B4GALT1: variants seen among roughly 807,000 people sequenced by gnomAD.
B4GALT1 encodes the protein beta-1,4-galactosyltransferase 1.
In B4GALT1, 16 loss-of-function variants were observed where a neutral mutation model predicts 34.9. The observed-to-expected ratio is 0.46, with a 90% CI of 0.31 to 0.70. The LOEUF (loss-of-function observed/expected upper bound fraction) is 0.70, where lower values mean the gene tolerates loss of function less well. Among genes scored for constraint, B4GALT1 ranks in the 30% least tolerant of loss-of-function variants. B4GALT1 has a pLI of 0.05. For synonymous variants in B4GALT1, 221 were observed against 218.1 expected, an observed-to-expected ratio of 1.01 and a Z score of -0.12; for missense variants, 445 against 530.5, an observed-to-expected ratio of 0.84 and a Z score of 1.58.
intron 4 of B4GALT1, 96 bp downstream of exon 4, chr9:33,115,895 T>C (rs890918926): frequency 6.6e-7 from 1 of 1,507,488 alleles, no homozygotes; most frequent in Non-Finnish European, 9.1e-7. Flanking sequence ...GTGCATCCCA[T>C]CTGAGGGTCA....
chr9:33,135,840 C>T (rs1438165392), intron 1 of B4GALT1, among the ~76,000 whole-genome samples: 2 of 151,754 alleles, frequency 1.3e-5, no homozygotes, highest in Non-Finnish European at 2.9e-5. Context: ...AGCTGCGTGG[C>T]CTTGGACAAA....
the B4GALT1 span, among the ~76,000 whole-genome samples, chr9:33,172,681 T>A: frequency 6.6e-6 from 1 of 151,830 alleles, no homozygotes; most frequent in African/African-American, 2.4e-5. Context: ...ACGCCTTTAA[T>A]CCCAGTGCTT....
intron 1 of B4GALT1, among the ~76,000 whole-genome samples, chr9:33,162,304 T>C (rs1332964448): frequency 6.6e-6 from 1 of 151,980 alleles, no homozygotes; most frequent in African/African-American, 2.4e-5. Context: ...AGGGGAGTGA[T>C]AGGGAAGGGG....
chr9:33,122,206 T>G (rs912396985), intron 2 of B4GALT1, among the ~76,000 whole-genome samples: 1 of 152,036 alleles, frequency 6.6e-6, no homozygotes, highest in Non-Finnish European at 1.5e-5. Context: ...ATGCTCAAAG[T>G]CTTCTCTCCA....
chr9:33,139,060 C>T (rs1373532575), intron 1 of B4GALT1, among the ~76,000 whole-genome samples: 1 of 152,180 alleles, frequency 6.6e-6, no homozygotes, highest in Non-Finnish European at 1.5e-5. Flanking sequence ...GAGCACCAAG[C>T]CAGAGAGTCT....
intron 1 of B4GALT1, 73 bp downstream of exon 1, chr9:33,166,685 A>C: frequency 7.1e-6 from 10 of 1,404,916 alleles, no homozygotes; most frequent in Non-Finnish European, 7.5e-6. Context: ...GCCTGAGGGA[A>C]TGTCTGGGGG....
At chr9:33,151,397 C>T (rs540903556) in intron 1 of B4GALT1, among the ~76,000 whole-genome samples, 1 of 152,276 alleles carries the variant, frequency 6.6e-6, no homozygotes, top group East Asian at 1.9e-4. Context: ...GTGCTGACTA[C>T]GAGCACATCC....
the B4GALT1 span, chr9:33,177,606 C>T: frequency 6.6e-6 from 1 of 152,332 alleles, no homozygotes; most frequent in East Asian, 1.9e-4. Flanking sequence ...TATTGACTAT[C>T]TGATCTTTTA....
At chr9:33,142,076 G>T (rs1840357999) in intron 1 of B4GALT1, among the ~76,000 whole-genome samples, 1 of 151,998 alleles carries the variant, frequency 6.6e-6, no homozygotes, top group African/African-American at 2.4e-5. Context: ...TCCGCCTCCT[G>T]GGTTCAAGCG....
chr9:33,178,241 C>G, the B4GALT1 span, among the ~76,000 whole-genome samples: 1 of 152,120 alleles, frequency 6.6e-6, no homozygotes, highest in Non-Finnish European at 1.5e-5. Context: ...TTCTACCCAC[C>G]TCAGCCTCCC....
intron 2 of B4GALT1, among the ~76,000 whole-genome samples, chr9:33,105,153 T>C (rs1839786526): frequency 6.6e-6 from 1 of 151,844 alleles, no homozygotes; most frequent in African/African-American, 2.4e-5. Flanking sequence ...TATTTATTTA[T>C]TTTGAGATGG....
chr9:33,126,490 G>A (rs938723597), intron 2 of B4GALT1, among the ~76,000 whole-genome samples: 6 of 151,482 alleles, frequency 4.0e-5, no homozygotes, highest in Non-Finnish European at 8.8e-5. Context: ...ATGTTGCCCA[G>A]GCTGGCCTTG....
chr9:33,184,331 C>T, the B4GALT1 span, among the ~76,000 whole-genome samples: 1 of 151,056 alleles, frequency 6.6e-6, no homozygotes, highest in South Asian at 2.1e-4. Context: ...TCAGCAGTTT[C>T]CAGCATCCAC....
chr9:33,180,625 C>A, the B4GALT1 span, among the ~76,000 whole-genome samples: 18,133 of 152,114 alleles, frequency 0.12, 1,848 homozygotes, highest in African/African-American at 0.28. Flanking sequence ...ACCGTTCATG[C>A]TGCTGCTGCC....
chr9:33,121,382 A>C lies in B4GALT1; in HGVS notation c.649-776T>G, dbSNP rs1587730396. Among the ~76,000 whole-genome samples the C allele has an allele frequency of 2.0e-5, 3 of 152,224 alleles. No individual in the cohort carries two copies. The South Asian group carries it at 6.2e-4, about 32-fold the overall frequency. On this transcript the variant is annotated intron_variant, in intron 2 of 5. Transcript: ENST00000379731. ...TTTTTATTTTTATTTTTTATTTTTG[A>C]GATGGAGTCTTGCTTCATCACTGAG...
At chr9:33,126,660 G>GTTAACCATTGTTAACATTGTTAATTAT in intron 2 of B4GALT1, among the ~76,000 whole-genome samples, 2 of 150,330 alleles carry the variant, frequency 1.3e-5, no homozygotes, top group African/African-American at 2.4e-5. Flanking sequence ...GTTAACCATA[G>GTTAACCATTGTTAACATTGTTAATTAT]CAATATGGTA....
chr9:33,178,966 A>G, the B4GALT1 span: 1 of 152,178 alleles, frequency 6.6e-6, no homozygotes, highest in Non-Finnish European at 1.5e-5. Context: ...AGGTTAGTCT[A>G]TGGCATGTGT....
At chr9:33,143,683 G>C (rs1199474562) in intron 1 of B4GALT1, among the ~76,000 whole-genome samples, 1 of 152,174 alleles carries the variant, frequency 6.6e-6, no homozygotes, top group African/African-American at 2.4e-5. Context: ...TTTGAGAAAC[G>C]CTGGTTTACA....
At chr9:33,153,002 C>T (rs1399209766) in intron 1 of B4GALT1, among the ~76,000 whole-genome samples, 3 of 152,116 alleles carry the variant, frequency 2.0e-5, no homozygotes, top group Admixed American at 2.0e-4. Context: ...AGTTCGAGTC[C>T]AGCCTGGGCA....
Sources: gnomAD v4.1 joint callset for allele counts (sites outside exome capture counted in the v4.1 genomes callset) on GRCh38, gnomAD v4.1.1 for gene constraint, MANE v1.5 for transcripts, NCBI Gene and HGNC (gene_info 2026-07-23, HGNC 2026-07-21) for gene names.